The following KCNIP1 variants were observed in gnomAD, a reference collection of about 807,000 sequenced individuals.
KCNIP1 encodes potassium voltage-gated channel interacting protein 1.
A neutral mutation model predicts 33.0 loss-of-function variants in KCNIP1; 18 were observed. The ratio of observed to expected loss-of-function variants is 0.55; its 90% CI spans 0.38 to 0.81. The LOEUF is 0.81. KCNIP1 is among the 30% of genes least tolerant of loss of function. The pLI, the probability that KCNIP1 is intolerant of heterozygous loss-of-function variation, is 0.00. For missense variants in KCNIP1, 238 were observed against 271.6 expected, an observed-to-expected ratio of 0.88 and a Z score of 0.87; for synonymous variants, 93 against 98.3, an observed-to-expected ratio of 0.95 and a Z score of 0.32.
chr5:170,436,438 CTG>C (rs1755865454), intron 1 of KCNIP1, among the ~76,000 whole-genome samples: 3 of 152,200 alleles, frequency 2.0e-5, no homozygotes. Flanking sequence ...GCTGCCAGGA[CTG>C]AGGCCAGAAT....
chr5:170,509,353 CAGAA>C (rs1754844535), intron 1 of KCNIP1, among the ~76,000 whole-genome samples: 1 of 146,184 alleles, frequency 6.8e-6, no homozygotes, highest in African/African-American at 2.6e-5. Context: ...TCAAGATAAA[CAGAA>C]AGAGAGAGAT....
At chr5:170,511,585 C>T (rs542709786) in intron 1 of KCNIP1, among the ~76,000 whole-genome samples, 3 of 152,296 alleles carry the variant, frequency 2.0e-5, no homozygotes, top group South Asian at 2.1e-4. Context: ...GCAGGTCACC[C>T]GCCAGGAAGG....
chr5:170,672,845 G>T (rs1306539790), intron 1 of KCNIP1, among the ~76,000 whole-genome samples: 1 of 152,266 alleles, frequency 6.6e-6, no homozygotes, highest in Non-Finnish European at 1.5e-5. Flanking sequence ...CAAAATCTGT[G>T]ATCTTTGCCT....
At chr5:170,461,502 G>A (rs1181708141) in intron 1 of KCNIP1, among the ~76,000 whole-genome samples, 1 of 152,130 alleles carries the variant, frequency 6.6e-6, no homozygotes, top group Non-Finnish European at 1.5e-5. Context: ...TGTAATCCCA[G>A]CACTTTGGGA....
intron 1 of KCNIP1, among the ~76,000 whole-genome samples, chr5:170,523,898 C>A (rs927362653): frequency 6.6e-6 from 1 of 152,194 alleles, no homozygotes; most frequent in Non-Finnish European, 1.5e-5. Flanking sequence ...ACCCAGGAGT[C>A]CTAACCTGCT....
At chr5:170,695,685 T>C (rs1762866023) in intron 1 of KCNIP1, among the ~76,000 whole-genome samples, 1 of 152,184 alleles carries the variant, frequency 6.6e-6, no homozygotes, top group African/African-American at 2.4e-5. Context: ...GCTTTAAAGA[T>C]AAGAGCCCAA....
At chr5:170,571,750 C>T (rs539656324) in intron 1 of KCNIP1, among the ~76,000 whole-genome samples, 3 of 152,256 alleles carry the variant, frequency 2.0e-5, no homozygotes, top group Non-Finnish European at 2.9e-5. Flanking sequence ...ATAATGGGAC[C>T]GTGCTTAAAT....
intron 1 of KCNIP1, among the ~76,000 whole-genome samples, chr5:170,434,517 G>C (rs1172053965): frequency 6.6e-6 from 1 of 152,174 alleles, no homozygotes; most frequent in African/African-American, 2.4e-5. Context: ...CACTCAGGTT[G>C]GAGGTAGGAT....
chr5:170,413,044 G>A (rs527275145), intron 1 of KCNIP1, among the ~76,000 whole-genome samples: 1 of 152,350 alleles, frequency 6.6e-6, no homozygotes, highest in East Asian at 1.9e-4. Context: ...TGCTAAAGCA[G>A]CGCTGGGCGT....
chr5:170,637,935 A>G (rs1482017129), intron 1 of KCNIP1, among the ~76,000 whole-genome samples: 3 of 149,580 alleles, frequency 2.0e-5, no homozygotes, highest in African/African-American at 7.4e-5. Flanking sequence ...TGTCAGATAA[A>G]GTGGTGTGGG....
chr5:170,480,552 C>T (rs72836278), intron 1 of KCNIP1, among the ~76,000 whole-genome samples: 25,135 of 150,650 alleles, frequency 0.17, 2,312 homozygotes, highest in Non-Finnish European at 0.2. Context: ...TCTCGGCTCA[C>T]TGCAGCCTCT....
intron 5 of KCNIP1, among the ~76,000 whole-genome samples, chr5:170,731,006 A>C (rs1184011683): frequency 1.3e-5 from 2 of 152,206 alleles, no homozygotes; most frequent in African/African-American, 4.8e-5. Context: ...ACATAAATAA[A>C]TGCAGGAGAG....
chr5:170,611,967 GTGAA>G (rs936977207), intron 1 of KCNIP1, among the ~76,000 whole-genome samples: 9 of 152,234 alleles, frequency 5.9e-5, no homozygotes, highest in Admixed American at 5.9e-4. Flanking sequence ...ATATGCAGCA[GTGAA>G]TGAAATAGAC....
At chr5:170,712,040 C>T (rs1763465183) in intron 1 of KCNIP1, among the ~76,000 whole-genome samples, 1 of 152,172 alleles carries the variant, frequency 6.6e-6, no homozygotes, top group South Asian at 2.1e-4. Flanking sequence ...AGAGGAAATC[C>T]AGGCCAACCA....
intron 1 of KCNIP1, among the ~76,000 whole-genome samples, chr5:170,573,823 CATAA>C (rs1561694649): frequency 6.6e-6 from 1 of 152,160 alleles, no homozygotes; most frequent in Non-Finnish European, 1.5e-5. Context: ...CCCATAGAGC[CATAA>C]ATATTTACTA....
At chr5:170,528,608 A>G (rs968264611) in intron 1 of KCNIP1, among the ~76,000 whole-genome samples, 2 of 152,168 alleles carry the variant, frequency 1.3e-5, no homozygotes, top group African/African-American at 4.8e-5. Flanking sequence ...CCAGGCATAT[A>G]TGGAGAGAAG....
chr5:170,681,257 T>C (rs1403946195), intron 1 of KCNIP1: 2 of 397,472 alleles, frequency 5.0e-6, no homozygotes, highest in East Asian at 3.6e-5. Context: ...GTTTCGAAAA[T>C]GCACGGAAAT....
intron 1 of KCNIP1, among the ~76,000 whole-genome samples, chr5:170,685,691 G>A (rs564712711): frequency 6.6e-6 from 1 of 152,118 alleles, no homozygotes; most frequent in Non-Finnish European, 1.5e-5. Context: ...GCTTCCCCAT[G>A]TTGACCAGGC....
At chr5:170,563,400 A>C (rs1757101240) in intron 1 of KCNIP1, among the ~76,000 whole-genome samples, 1 of 152,148 alleles carries the variant, frequency 6.6e-6, no homozygotes, top group Non-Finnish European at 1.5e-5. Flanking sequence ...GTTTTATAAC[A>C]CTGACATCAC....
Sources: gnomAD v4.1 joint callset for allele counts (sites outside exome capture counted in the v4.1 genomes callset) on GRCh38, gnomAD v4.1.1 for gene constraint, MANE v1.5 for transcripts, NCBI Gene and HGNC (gene_info 2026-07-23, HGNC 2026-07-21) for gene names.